PTK2B: variants seen among roughly 807,000 people sequenced by gnomAD.
PTK2B encodes protein-tyrosine kinase 2-beta.
PTK2B carries 71 observed loss-of-function variants against 142.9 expected under a neutral mutation model. The ratio of observed to expected loss-of-function variants is 0.50; its 90% CI spans 0.41 to 0.61. The LOEUF (loss-of-function observed/expected upper bound fraction) is 0.61, where lower values mean the gene tolerates loss of function less well. Among genes scored for constraint, PTK2B ranks in the 20% least tolerant of loss-of-function variants. The probability of loss-of-function intolerance (pLI) is 0.00; values close to 1 mark genes in which losing one functional copy is unlikely to be tolerated. For synonymous variants in PTK2B, 519 were observed against 503.4 expected, an observed-to-expected ratio of 1.03 and a Z score of -0.42; for missense variants, 1,105 against 1,320.4, an observed-to-expected ratio of 0.84 and a Z score of 2.53.
chr8:27,408,149 T>C (rs1808838758), intron 2 of PTK2B, among the ~76,000 whole-genome samples: 1 of 152,068 alleles, frequency 6.6e-6, no homozygotes, highest in African/African-American at 2.4e-5. Flanking sequence ...TCCCCCGAGG[T>C]GCCATAGAAA....
At position 27,440,399 on chromosome 8, in the gene PTK2B, C is replaced by G; in HGVS notation, c.1997C>G (p.Pro666Arg). The G allele has an allele frequency of 6.2e-7, 1 of 1,614,164 alleles. No individual in the cohort carries two copies. The highest frequency in any genetic ancestry group is 8.5e-7 in the Non-Finnish European group (1 of 1,180,038). Reference protein sequence around the residue: ...TLMTRCWDYDPSDRPRFTELV... With the variant: ...TLMTRCWDYDRSDRPRFTELV... ...ATGACCCGCTGCTGGGACTACGACCCCAGTGACCGGCCCCGCTTCACCGAG... is the reference window on the plus strand; with the variant it reads ...ATGACCCGCTGCTGGGACTACGACCGCAGTGACCGGCCCCGCTTCACCGAG... The change falls in exon 21 of 31, where the codon CCC (proline) becomes CGC (arginine). Residue 666 changes from proline to arginine, a missense_variant. Pro to Arg is a moderately radical substitution (Grantham distance 103). Coordinates refer to ENST00000346049, the MANE Select transcript of PTK2B (RefSeq NM_173176.3).
chr8:27,350,990 A>AAAAATAT (rs1554483396), intron 1 of PTK2B, among the ~76,000 whole-genome samples: 1 of 12,092 alleles, frequency 8.3e-5, no homozygotes, highest in African/African-American at 3.2e-4. Context: ...AAAAAAAAAA[A>AAAAATAT]ATATATATAT....
At position 27,437,491 on chromosome 8, in the gene PTK2B, G is replaced by A; in HGVS notation, c.1522G>A (p.Gly508Arg). ...GATCATCATGGAATTGTATCCCTAT[G>A]GGGAGGTGAGCTGGAGGACCCTGCG... Reference protein sequence around the residue: ...TWIIMELYPYGELGHYLERNK... With the variant: ...TWIIMELYPYRELGHYLERNK... The change falls in exon 17 of 31, where the codon GGG becomes AGG. Residue 508 changes from glycine to arginine, a missense_variant. By Grantham distance (125) the Gly-to-Arg change is moderately radical. Coordinates refer to ENST00000346049, the MANE Select transcript of PTK2B (RefSeq NM_173176.3). 1.2e-6 allele frequency: 2 copies of A among 1,605,032 alleles called. No individual in the cohort carries two copies. The highest frequency in any genetic ancestry group is 1.1e-5 in the South Asian group (1 of 89,800).
At chr8:27,449,640 A>G (rs1811682529) in intron 24 of PTK2B, among the ~76,000 whole-genome samples, 1 of 152,382 alleles carries the variant, frequency 6.6e-6, no homozygotes, top group South Asian at 2.1e-4. Context: ...TGTGCAATCA[A>G]GAGGATGCCA....
rs2132166264 is a variant in PTK2B, at chr8:27,437,634, G to A, written c.1528-131G>A. ...GCCCTGTTTGTCAAGGAAATTGCTG[G>A]AACATTTTGCCAGCTTTGGGTTTGT... is the stretch of plus-strand genomic sequence containing the variant. On this transcript the variant is annotated intron_variant, in intron 17 of 30. Coordinates refer to ENST00000346049, the MANE Select transcript of PTK2B (RefSeq NM_173176.3). 8 of 1,221,118 alleles carry A rather than the reference G, an allele frequency of 6.6e-6. No individual in the cohort carries two copies. In the South Asian group the frequency reaches 1.1e-4, roughly 17 times the overall value. 75.6% of individuals were successfully genotyped at this position (1,221,118 alleles called of 1,614,324 possible).
intron 1 of PTK2B, among the ~76,000 whole-genome samples, chr8:27,327,376 C>A (rs1803483637): frequency 6.6e-6 from 1 of 151,922 alleles, no homozygotes; most frequent in Non-Finnish European, 1.5e-5. Flanking sequence ...AAGCACGGGA[C>A]ACTCAGATTT....
intron 15 of PTK2B, 46 bp downstream of exon 15, chr8:27,436,394 A>C: frequency 1.9e-6 from 3 of 1,548,298 alleles, no homozygotes; most frequent in Non-Finnish European, 2.7e-6. Flanking sequence ...ACATGTCTGT[A>C]GGGTGAGACA....
At chr8:27,420,583 G>T in intron 3 of PTK2B, 74 bp from the exon 4 acceptor site, 3 of 1,415,642 alleles carry the variant, frequency 2.1e-6, no homozygotes, top group Non-Finnish European at 2.0e-6. Flanking sequence ...GCTTGCTTCT[G>T]CCCTTGGGGT....
chr8:27,371,428 T>A (rs982751284), intron 1 of PTK2B, among the ~76,000 whole-genome samples: 6 of 152,114 alleles, frequency 3.9e-5, no homozygotes, highest in African/African-American at 1.4e-4. Flanking sequence ...GACTTGGAGG[T>A]ATGTCTCAGC....
At chr8:27,333,259 A>G (rs1803867409) in intron 1 of PTK2B, among the ~76,000 whole-genome samples, 1 of 152,168 alleles carries the variant, frequency 6.6e-6, no homozygotes, top group African/African-American at 2.4e-5. Context: ...TTGGGGGTGG[A>G]ACGGAAGATA....
At position 27,458,296 on chromosome 8, in the gene PTK2B, C is replaced by G. The variant is rs530386451; in HGVS notation, c.2817C>G (p.Ile939Met). 6.2e-7 allele frequency: 1 copy of G among 1,613,710 alleles called. No individual in the cohort carries two copies. The highest frequency in any genetic ancestry group is 8.5e-7 in the Non-Finnish European group (1 of 1,179,786). Residue 939 changes from isoleucine to methionine, a missense_variant and splice_region_variant, in exon 31 of 31, where the codon ATC (isoleucine) becomes ATG (methionine). Coordinates refer to ENST00000346049, the MANE Select transcript of PTK2B (RefSeq NM_173176.3). ...TGTCCTGTGTGATCTTCCTACAGATCGAGGGCACCCAGAAACTGCTCAACA... is the reference window on the plus strand; with the variant it reads ...TGTCCTGTGTGATCTTCCTACAGATGGAGGGCACCCAGAAACTGCTCAACA... ...PSLPSSSRTE[I>M]EGTQKLLNKD...
At chr8:27,368,924 T>C (rs922509419) in intron 1 of PTK2B, among the ~76,000 whole-genome samples, 1 of 152,134 alleles carries the variant, frequency 6.6e-6, no homozygotes, top group Non-Finnish European at 1.5e-5. Context: ...AGGGCGGAAG[T>C]GGAAAGAGAT....
chr8:27,331,047 A>G (rs1803715986), intron 1 of PTK2B, among the ~76,000 whole-genome samples: 1 of 152,014 alleles, frequency 6.6e-6, no homozygotes. Context: ...TCTTCCTTTT[A>G]TGTTCTGAAA....
chr8:27,426,199 G>A (rs1195678136), intron 5 of PTK2B, among the ~76,000 whole-genome samples: 2 of 152,246 alleles, frequency 1.3e-5, no homozygotes, highest in Admixed American at 1.3e-4. Context: ...TTGGTTTGTA[G>A]TTAATTTCTA....
At chr8:27,390,062 C>T (rs758021775) in intron 1 of PTK2B, among the ~76,000 whole-genome samples, 1 of 152,156 alleles carries the variant, frequency 6.6e-6, no homozygotes. Flanking sequence ...GTGTGTGTCT[C>T]GTGACATTGT....
At chr8:27,392,471 A>T (rs1353553787) in intron 1 of PTK2B, among the ~76,000 whole-genome samples, 1 of 152,166 alleles carries the variant, frequency 6.6e-6, no homozygotes, top group Admixed American at 6.5e-5. Flanking sequence ...ACTCTCACTT[A>T]TGTTTTCTCA....
At chr8:27,319,986 G>A (rs1158111341) in intron 3 of PTK2B, among the ~76,000 whole-genome samples, 1 of 152,186 alleles carries the variant, frequency 6.6e-6, no homozygotes, top group Non-Finnish European at 1.5e-5. Context: ...ACACCAGCTG[G>A]TGAGACAGCC....
At chr8:27,369,326 G>A (rs867140505) in intron 1 of PTK2B, among the ~76,000 whole-genome samples, 1 of 152,098 alleles carries the variant, frequency 6.6e-6, no homozygotes, top group Non-Finnish European at 1.5e-5. Context: ...GGGATCCAGG[G>A]GTTTCTATCT....
chr8:27,430,822 G>T (rs1349392180), intron 7 of PTK2B, 54 bp from the exon 8 acceptor site: 6 of 1,591,600 alleles, frequency 3.8e-6, no homozygotes, highest in Non-Finnish European at 5.1e-6. Flanking sequence ...CTAAGGGAAG[G>T]AGTGAGACCT....
Sources: allele counts gnomAD v4.1 joint callset (sites outside exome capture counted in the v4.1 genomes callset), GRCh38; gene constraint gnomAD v4.1.1; transcripts MANE v1.5; gene names NCBI Gene and HGNC (gene_info 2026-07-23, HGNC 2026-07-21).